PRKG1: variants seen among roughly 807,000 people sequenced by gnomAD.
PRKG1 encodes cGMP-dependent protein kinase 1.
A neutral mutation model predicts 88.1 loss-of-function variants in PRKG1; 35 were observed. The observed-to-expected ratio is 0.40, with a 90% confidence interval of 0.30 to 0.53. PRKG1 has a LOEUF of 0.53. PRKG1 is among the 20% of genes least tolerant of loss of function. The pLI is 0.59. For synonymous variants in PRKG1, 303 were observed against 292.5 expected (o/e 1.04, Z -0.37); for missense variants, 540 against 839.8 (o/e 0.64, Z 4.41).
intron 4 of PRKG1, among the ~76,000 whole-genome samples, chr10:51,832,577 T>A (rs1220448450): frequency 6.6e-6 from 1 of 152,178 alleles, no homozygotes; most frequent in African/African-American, 2.4e-5. Flanking sequence ...CCTCTGTAGG[T>A]ATGATAATTT....
At chr10:51,901,894 G>A (rs1367262217) in intron 4 of PRKG1, among the ~76,000 whole-genome samples, 1 of 151,902 alleles carries the variant, frequency 6.6e-6, no homozygotes, top group Non-Finnish European at 1.5e-5. Flanking sequence ...CATGAGTCAG[G>A]AACTCTCTGA....
chr10:51,898,720 G>A (rs899871679), intron 4 of PRKG1, among the ~76,000 whole-genome samples: 3 of 152,098 alleles, frequency 2.0e-5, no homozygotes, highest in African/African-American at 7.2e-5. Context: ...AGGAGGCTGA[G>A]GCAGGAGAAT....
At chr10:51,538,526 G>A (rs918840795) in intron 3 of PRKG1, among the ~76,000 whole-genome samples, 6 of 85,214 alleles carry the variant, frequency 7.0e-5, no homozygotes, top group Non-Finnish European at 1.3e-4. Flanking sequence ...ACATACAAAA[G>A]TAATAGAGAA....
intron 5 of PRKG1, among the ~76,000 whole-genome samples, chr10:51,945,494 C>A (rs1210942919): frequency 1.3e-5 from 2 of 151,644 alleles, no homozygotes; most frequent in African/African-American, 4.9e-5. Context: ...CTGATCCTGT[C>A]ATTATGATGT....
At chr10:52,004,511 T>C (rs1844680661) in intron 5 of PRKG1, among the ~76,000 whole-genome samples, 1 of 152,178 alleles carries the variant, frequency 6.6e-6, no homozygotes, top group African/African-American at 2.4e-5. Context: ...AGACAAAAGA[T>C]CCCCATCTAC....
rs191407212 is a variant in PRKG1 at position 51,850,392 on chromosome 10, G to T, written c.698+45702G>T. ...GGGTTTCACCATATTGGCCAGGTTG[G>T]TCGCAAATTCCTGACCTCAGATGAT... On this transcript the variant is annotated intron_variant, in intron 4 of 17. Transcript: ENST00000373980. Among the ~76,000 whole-genome samples the T allele has an allele frequency of 1.9e-3, 293 of 152,182 alleles. 2 individuals are homozygous for T. The highest frequency in any genetic ancestry group is 3.4e-3 in the Middle Eastern group (1 of 294).
At chr10:52,015,023 GC>G (rs1845001123) in intron 5 of PRKG1, among the ~76,000 whole-genome samples, 1 of 152,206 alleles carries the variant, frequency 6.6e-6, no homozygotes, top group African/African-American at 2.4e-5. Flanking sequence ...CATAGTGCAA[GC>G]TGTTAGTAAA....
chr10:52,192,868 A>AT (rs942290415), intron 9 of PRKG1, among the ~76,000 whole-genome samples: 4 of 151,722 alleles, frequency 2.6e-5, no homozygotes, highest in South Asian at 2.1e-4. Flanking sequence ...TAAGCTGTAG[A>AT]TTTTTTTTTC....
At chr10:52,119,742 A>G (rs1847771039) in intron 7 of PRKG1, among the ~76,000 whole-genome samples, 1 of 152,238 alleles carries the variant, frequency 6.6e-6, no homozygotes, top group Non-Finnish European at 1.5e-5. Flanking sequence ...CTATAAGTGA[A>G]TACCACAGAC....
At chr10:51,464,840 G>T (rs1002995087) in intron 2 of PRKG1, among the ~76,000 whole-genome samples, 1 of 143,230 alleles carries the variant, frequency 7.0e-6, no homozygotes, top group African/African-American at 2.6e-5. Flanking sequence ...GCAGTGAGCC[G>T]AGATCCCGCC....
intron 4 of PRKG1, among the ~76,000 whole-genome samples, chr10:51,881,023 A>G (rs1031352823): frequency 3.4e-4 from 52 of 151,536 alleles, no homozygotes; most frequent in African/African-American, 1.2e-3. Context: ...TTACTTAGAG[A>G]AAAGGGGGGC....
intron 9 of PRKG1, among the ~76,000 whole-genome samples, chr10:52,210,152 A>G (rs1405208641): frequency 1.3e-5 from 2 of 152,114 alleles, no homozygotes; most frequent in African/African-American, 4.8e-5. Flanking sequence ...GATGGTAGCT[A>G]CTATCATCAT....
chr10:52,061,474 T>A (rs377648214), intron 6 of PRKG1, among the ~76,000 whole-genome samples: 90 of 152,198 alleles, frequency 5.9e-4, no homozygotes, highest in African/African-American at 2.0e-3. Flanking sequence ...TTTGTGAATG[T>A]TAGTAGAGCT....
chr10:51,195,410 T>TAA (rs1837737871), intron 2 of PRKG1, among the ~76,000 whole-genome samples: 1 of 152,202 alleles, frequency 6.6e-6, no homozygotes, highest in African/African-American at 2.4e-5. Flanking sequence ...TCAAACAAAT[T>TAA]AAAGATGAAT....
chr10:52,206,105 T>A (rs1292471538), intron 9 of PRKG1, among the ~76,000 whole-genome samples: 1 of 46,242 alleles, frequency 2.2e-5, no homozygotes, highest in Non-Finnish European at 6.9e-5. Context: ...TCATTCTTTT[T>A]AATTCTTTTT....
intron 3 of PRKG1, among the ~76,000 whole-genome samples, chr10:51,595,627 CAATAAATAAATA>C (rs10599209): frequency 1.2e-4 from 17 of 145,848 alleles, no homozygotes; most frequent in African/African-American, 1.8e-4. Flanking sequence ...GAGACTCTGC[CAATAAATAAATA>C]AATAAATAAA....
At chr10:51,149,415 T>C (rs1411609649) in intron 1 of PRKG1, among the ~76,000 whole-genome samples, 1 of 152,152 alleles carries the variant, frequency 6.6e-6, no homozygotes, top group African/African-American at 2.4e-5. Flanking sequence ...TACTCTAAAA[T>C]TGCCCATTTT....
chr10:51,410,594 C>A (rs1812275598), intron 2 of PRKG1, among the ~76,000 whole-genome samples: 1 of 152,124 alleles, frequency 6.6e-6, no homozygotes, highest in South Asian at 2.1e-4. Context: ...CCTTTGGCAA[C>A]ACCCTCACAG....
intron 3 of PRKG1, among the ~76,000 whole-genome samples, chr10:51,604,383 T>C (rs1284853129): frequency 6.6e-6 from 1 of 152,184 alleles, no homozygotes; most frequent in East Asian, 1.9e-4. Flanking sequence ...AAGTTGTTTT[T>C]TAACCTTCTA....
Sources: gnomAD v4.1 joint callset for allele counts (sites outside exome capture counted in the v4.1 genomes callset) on GRCh38, gnomAD v4.1.1 for gene constraint, MANE v1.5 for transcripts, NCBI Gene and HGNC (gene_info 2026-07-23, HGNC 2026-07-21) for gene names.